LIFR: variants seen among roughly 807,000 people sequenced by gnomAD.
The protein encoded by LIFR is LIF receptor subunit alpha.
LIFR carries 84 observed loss-of-function variants against 122.2 expected under a neutral mutation model. That is an observed-to-expected ratio of 0.69 (90% CI 0.58 to 0.82). The LOEUF is 0.82. Ranked by LOEUF, LIFR falls within the 40% of genes least tolerant of loss-of-function variation. The probability of loss-of-function intolerance (pLI) is 0.00; values close to 1 mark genes in which losing one functional copy is unlikely to be tolerated. For missense variants in LIFR, 1,294 were observed against 1,311.6 expected (o/e 0.99, Z 0.21); for synonymous variants, 422 against 434.7 (o/e 0.97, Z 0.36).
chr5:38,477,997 C>T lies in LIFR; in HGVS notation c.*3598G>A, dbSNP rs980346971. On this transcript the variant is annotated 3_prime_UTR_variant, in exon 20 of 20. Transcript: ENST00000453190. ...TATATACCTGAGCAATAGAAAACTT[C>T]GAGATAACATTTTAAAAATATTGAC... is the stretch of plus-strand genomic sequence containing the variant. 6.2e-5 allele frequency: 13 copies of T among 209,498 alleles called. No individual in the cohort carries two copies. Among genetic ancestry groups the T allele is most frequent in the African/African-American group, 2.3e-4 (10 of 44,046 alleles). The allele number at this position is 209,498 out of a possible 1,614,324, so 13.0% of individuals were successfully genotyped here.
intron 1 of LIFR, chr5:38,594,953 T>C (rs890295410): frequency 5.1e-5 from 10 of 197,332 alleles, no homozygotes; most frequent in Non-Finnish European, 8.4e-5. Flanking sequence ...TGTACAACTG[T>C]ATACAGTGAC....
At chr5:38,545,387 T>A (rs6894415) in intron 1 of LIFR, among the ~76,000 whole-genome samples, 7,409 of 152,142 alleles carry the variant, frequency 0.049, 637 homozygotes, top group African/African-American at 0.17. Context: ...TGTATACACA[T>A]ATATATATGC....
chr5:38,522,217 C>A (rs6451388), intron 5 of LIFR, among the ~76,000 whole-genome samples: 4,627 of 152,292 alleles, frequency 0.03, 269 homozygotes, highest in African/African-American at 0.1. Flanking sequence ...GCACATCACG[C>A]CCCACTTGTG....
chr5:38,594,819 A>T, intron 1 of LIFR: 1 of 188,906 alleles, frequency 5.3e-6, no homozygotes, highest in Non-Finnish European at 1.1e-5. Flanking sequence ...AAAAAAGCGA[A>T]ACAATGTACC....
intron 2 of LIFR, 38 bp from the exon 3 acceptor site, chr5:38,528,878 A>T: frequency 2.0e-6 from 1 of 508,930 alleles, no homozygotes; most frequent in Non-Finnish European, 3.0e-6. Flanking sequence ...ACACACACAC[A>T]GACACACATA....
intron 1 of LIFR, among the ~76,000 whole-genome samples, chr5:38,533,997 G>C (rs1301300045): frequency 6.6e-6 from 1 of 152,190 alleles, no homozygotes; most frequent in Non-Finnish European, 1.5e-5. Context: ...AAAAGACTCT[G>C]AACTACTGTA....
intron 1 of LIFR, among the ~76,000 whole-genome samples, chr5:38,563,715 G>A (rs370310098): frequency 6.6e-6 from 1 of 152,128 alleles, no homozygotes; most frequent in African/African-American, 2.4e-5. Context: ...AAGTTACAGG[G>A]AGGGCTGTCA....
chr5:38,498,947 G>A (rs1745033230), intron 12 of LIFR, among the ~76,000 whole-genome samples: 1 of 152,088 alleles, frequency 6.6e-6, no homozygotes, highest in Non-Finnish European at 1.5e-5. Context: ...ATGACTGCTT[G>A]TGTAAAATCT....
chr5:38,601,040 CG>C (rs2112781539), intron 2 of LIFR, among the ~76,000 whole-genome samples: 1 of 152,272 alleles, frequency 6.6e-6, no homozygotes, highest in African/African-American at 2.4e-5. Flanking sequence ...GCTCAAAATT[CG>C]TATGTTGAAA....
chr5:38,489,303 T>C, intron 15 of LIFR, 58 bp from the exon 16 acceptor site: 1 of 1,287,438 alleles, frequency 7.8e-7, no homozygotes, highest in South Asian at 1.2e-5. Flanking sequence ...AGTAATACAG[T>C]AATGTTTCCT....
chr5:38,524,002 G>C (rs1746541553), intron 4 of LIFR, among the ~76,000 whole-genome samples: 1 of 152,162 alleles, frequency 6.6e-6, no homozygotes, highest in African/African-American at 2.4e-5. Flanking sequence ...CAGCAACTAG[G>C]TTTCCACAGT....
chr5:38,576,774 A>C (rs1401638673), intron 1 of LIFR, among the ~76,000 whole-genome samples: 2 of 152,230 alleles, frequency 1.3e-5, no homozygotes, highest in African/African-American at 4.8e-5. Context: ...CAAGTAATCA[A>C]GTACGTATTA....
intron 1 of LIFR, chr5:38,594,805 T>C (rs1393931672): frequency 5.4e-6 from 1 of 185,286 alleles, no homozygotes; most frequent in African/African-American, 2.3e-5. Flanking sequence ...ATATCTGACA[T>C]GGAAAAAAAG....
upstream of LIFR, among the ~76,000 whole-genome samples, chr5:38,596,117 A>C (rs1750091806): frequency 1.3e-5 from 2 of 152,194 alleles, no homozygotes; most frequent in Non-Finnish European, 2.9e-5. Flanking sequence ...ATTCTTAGCC[A>C]CGGAGGGAGC....
At chr5:38,489,317 C>T in intron 15 of LIFR, 72 bp from the exon 16 acceptor site, 1 of 1,136,440 alleles carries the variant, frequency 8.8e-7, no homozygotes, top group Admixed American at 1.8e-5. Flanking sequence ...GTTTCCTGAG[C>T]TTTCTAGCCT....
At chr5:38,562,601 T>G (rs190230298) in intron 1 of LIFR, among the ~76,000 whole-genome samples, 112 of 152,354 alleles carry the variant, frequency 7.4e-4, no homozygotes, top group African/African-American at 2.6e-3. Flanking sequence ...CCTATGCTAC[T>G]GCACTCAGTG....
At chr5:38,519,957 C>T (rs909216306) in intron 5 of LIFR, among the ~76,000 whole-genome samples, 1 of 152,110 alleles carries the variant, frequency 6.6e-6, no homozygotes, top group East Asian at 1.9e-4. Flanking sequence ...CTTTAATACA[C>T]TGATTTATTT....
At chr5:38,482,750 G>T (rs999075272) in intron 18 of LIFR, 83 bp from the exon 19 acceptor site, 108 of 612,958 alleles carry the variant, frequency 1.8e-4, no homozygotes, top group Non-Finnish European at 2.6e-4. Flanking sequence ...GGCTTATTTT[G>T]AAGTATTTAT....
chr5:38,484,728 T>C (rs773994014), intron 18 of LIFR, 47 bp downstream of exon 18: 7 of 1,191,750 alleles, frequency 5.9e-6, no homozygotes, highest in Non-Finnish European at 8.8e-6. Context: ...AATCTTATAA[T>C]CATGCCTTTA....
Sources: allele counts gnomAD v4.1 joint callset (sites outside exome capture counted in the v4.1 genomes callset), GRCh38; gene constraint gnomAD v4.1.1; transcripts MANE v1.5; gene names NCBI Gene and HGNC (gene_info 2026-07-23, HGNC 2026-07-21).